Variants in YY1 observed in about 807,000 individuals in gnomAD.
YY1 encodes transcriptional repressor protein YY1.
YY1 carries 2 observed loss-of-function variants against 35.6 expected under a neutral mutation model. The observed-to-expected ratio is 0.06, with a 90% CI of 0.02 to 0.18. The LOEUF (loss-of-function observed/expected upper bound fraction) is 0.18. YY1 is among the 10% of genes least tolerant of loss of function. YY1 has a pLI of 1.00. For missense variants in YY1, 322 were observed against 573.4 expected, an observed-to-expected ratio of 0.56 and a Z score of 4.48; for synonymous variants, 268 against 238.9, an observed-to-expected ratio of 1.12 and a Z score of -1.12.
In YY1 at chr14:100,239,646, G is replaced by A. The variant is rs1416504827; in HGVS notation, c.402G>A (p.Pro134=). The change falls in exon 1 of 5, where the codon CCG becomes CCA. Residue 134 remains proline, a synonymous_variant. Transcript: ENST00000262238. ...EDGFEDQILI[P]VPAPAGGDDD... is the part of the protein sequence containing the mutation. ...GCTTCGAGGATCAGATTCTCATCCC[G>A]GTGCCCGCGCCGGCCGGCGGCGACG... The A allele has an allele frequency of 1.2e-6, 2 of 1,610,752 alleles. No individual in the cohort carries two copies. Among genetic ancestry groups the A allele is most frequent in the Admixed American group, 3.3e-5 (2 of 59,980 alleles).
intron 2 of YY1, among the ~76,000 whole-genome samples, chr14:100,267,631 C>T (rs1246668657): frequency 6.6e-6 from 1 of 151,954 alleles, no homozygotes; most frequent in Non-Finnish European, 1.5e-5. Context: ...TCAAGCAATT[C>T]TTCTGCCTCA....
At chr14:100,247,845 G>A (rs1424603118) in intron 1 of YY1, among the ~76,000 whole-genome samples, 1 of 152,164 alleles carries the variant, frequency 6.6e-6, no homozygotes, top group East Asian at 1.9e-4. Context: ...CTGACCTTGA[G>A]ATCTTTCTAA....
At chr14:100,240,651 C>A (rs1377946807) in intron 1 of YY1, among the ~76,000 whole-genome samples, 1 of 152,190 alleles carries the variant, frequency 6.6e-6, no homozygotes, top group Non-Finnish European at 1.5e-5. Flanking sequence ...ACGTAGGGCT[C>A]GCGTGTGCGG....
At chr14:100,242,376 TTG>T (rs1595311608) in intron 1 of YY1, among the ~76,000 whole-genome samples, 3 of 65,816 alleles carry the variant, frequency 4.6e-5, no homozygotes, top group Non-Finnish European at 8.8e-5. Flanking sequence ...GTTTTGTTTT[TTG>T]TTTTTTTTTT....
At position 100,279,961 on chromosome 14, in the gene YY1, C is replaced by T. The variant is rs1172011343; in HGVS notation, c.*2361C>T. On this transcript the variant is annotated 3_prime_UTR_variant, in exon 5 of 5. Coordinates refer to ENST00000262238, the MANE Select transcript of YY1 (RefSeq NM_003403.5). ...TTGATCCCTTGGGGGTGCCTTTGGT[C>T]ATCTCTTCTGTCCTTTCCTGTCTCT... 1 of 152,354 alleles carries T rather than the reference C, an allele frequency of 6.6e-6. No individual in the cohort carries two copies. Among genetic ancestry groups the T allele is most frequent in the Non-Finnish European group, 1.5e-5 (1 of 68,122 alleles). The allele number at this position is 152,354 out of a possible 1,614,324, so 9.4% of individuals were successfully genotyped here.
chr14:100,246,346 C>G (rs1230643732), intron 1 of YY1, among the ~76,000 whole-genome samples: 1 of 152,230 alleles, frequency 6.6e-6, no homozygotes, highest in Non-Finnish European at 1.5e-5. Context: ...GGACATGTGC[C>G]TTCTCAAAGT....
chr14:100,270,974 G>A (rs957235698), intron 2 of YY1, among the ~76,000 whole-genome samples: 28 of 151,734 alleles, frequency 1.8e-4, no homozygotes, highest in African/African-American at 6.8e-4. Context: ...GGCTGGGCGC[G>A]GTGGCTCACG....
chr14:100,268,600 A>T (rs1891188467), intron 2 of YY1, among the ~76,000 whole-genome samples: 1 of 152,252 alleles, frequency 6.6e-6, no homozygotes, highest in South Asian at 2.1e-4. Flanking sequence ...TAATGTATAG[A>T]TGAAATGTGA....
At position 100,239,364 on chromosome 14, in the gene YY1, G is replaced by A. The variant is rs1343771503; in HGVS notation, c.120G>A (p.Val40=). Residue 40 remains valine, a synonymous_variant, in exon 1 of 5, where the codon GTG becomes GTA. Transcript: ENST00000262238. Reference sequence around the variant, plus strand: ...CGGTGGAGACCATCGAGACCACAGTGGTGGGCGAGGAGGAGGAGGAGGACG... The same window carrying A: ...CGGTGGAGACCATCGAGACCACAGTAGTGGGCGAGGAGGAGGAGGAGGACG... ...TIPVETIETT[V]VGEEEEEDDD... The A allele has an allele frequency of 5.6e-6, 9 of 1,602,734 alleles. No homozygotes were observed. The highest frequency in any genetic ancestry group is 1.3e-5 in the African/African-American group (1 of 74,446).
At chr14:100,242,107 A>G (rs1263278029) in intron 1 of YY1, among the ~76,000 whole-genome samples, 1 of 152,324 alleles carries the variant, frequency 6.6e-6, no homozygotes, top group African/African-American at 2.4e-5. Flanking sequence ...ATTAACCACA[A>G]AAGTAAATTT....
At chr14:100,247,887 A>G (rs140621276) in intron 1 of YY1, among the ~76,000 whole-genome samples, 7 of 152,302 alleles carry the variant, frequency 4.6e-5, no homozygotes, top group Non-Finnish European at 1.0e-4. Context: ...CCTTAAAGTC[A>G]CTTTGAATCT....
Position 100,276,316 on chromosome 14 carries a change from C to A in YY1, c.904-174C>A. The stretch of plus-strand genomic sequence containing the variant: ...TTGCATTGAATGATGACTTTTTCAG[C>A]TGTCTGCTTTTTGTCTTAAATGATA... On this transcript the variant is annotated intron_variant, in intron 3 of 4. Coordinates refer to ENST00000262238, the MANE Select transcript of YY1 (RefSeq NM_003403.5). The surrounding 1 kb of genome is among the most constrained non-coding windows in gnomAD (Gnocchi z 4.1). 2 of 840,494 alleles carry A rather than the reference C, an allele frequency of 2.4e-6. No homozygotes were observed. Among genetic ancestry groups the A allele is most frequent in the Admixed American group, 2.6e-5 (1 of 38,914 alleles). The allele number at this position is 840,494 out of a possible 1,614,324, so 52.1% of individuals were successfully genotyped here.
rs1193650196 is a variant in YY1, at chr14:100,278,218, T to C, written c.*618T>C. On this transcript the variant is annotated 3_prime_UTR_variant, in exon 5 of 5. Transcript: ENST00000262238. ...TGTTAACACATTTTGTATAATTGTA[T>C]CGTATAGCTGTATTGAATCATGTAG... is the stretch of plus-strand genomic sequence containing the variant. 3.2e-5 allele frequency: 5 copies of C among 154,786 alleles called. No homozygotes were observed. Among genetic ancestry groups the C allele is most frequent in the African/African-American group, 1.2e-4 (5 of 41,480 alleles). 9.6% of individuals were successfully genotyped at this position (154,786 alleles called of 1,614,324 possible). A position where few individuals can be genotyped will look rare whatever the true frequency, so the allele number is the denominator to read the frequency against.
At chr14:100,264,377 A>G (rs1455364781) in intron 2 of YY1, among the ~76,000 whole-genome samples, 1 of 152,102 alleles carries the variant, frequency 6.6e-6, no homozygotes, top group Non-Finnish European at 1.5e-5. Flanking sequence ...GAGTTTCACC[A>G]TGTTGGCCAG....
At chr14:100,267,412 G>A (rs1034839498) in intron 2 of YY1, among the ~76,000 whole-genome samples, 2 of 152,164 alleles carry the variant, frequency 1.3e-5, no homozygotes, top group Admixed American at 6.5e-5. Context: ...TTTCATTTGT[G>A]TATAGAAAAG....
At chr14:100,248,719 G>A (rs1008356045) in intron 1 of YY1, among the ~76,000 whole-genome samples, 2 of 132,126 alleles carry the variant, frequency 1.5e-5, no homozygotes, top group African/African-American at 5.8e-5. Context: ...ACGGTGTCTC[G>A]CTCTGTCACC....
chr14:100,275,384 T>C (rs1352581184), intron 3 of YY1, among the ~76,000 whole-genome samples: 2 of 152,192 alleles, frequency 1.3e-5, no homozygotes, highest in Non-Finnish European at 2.9e-5. Context: ...CTACATTTAG[T>C]TTCACGGTCT....
chr14:100,241,598 TTA>T (rs1407889164), intron 1 of YY1, among the ~76,000 whole-genome samples: 1 of 152,184 alleles, frequency 6.6e-6, no homozygotes, highest in Non-Finnish European at 1.5e-5. Flanking sequence ...CATGAATACT[TTA>T]GTACTTAATG....
chr14:100,251,179 G>A (rs1890919192), intron 1 of YY1, among the ~76,000 whole-genome samples: 2 of 152,200 alleles, frequency 1.3e-5, no homozygotes, highest in Admixed American at 6.5e-5. Flanking sequence ...AATAGGGAGA[G>A]TATCCTGGTT....
Sources: allele counts gnomAD v4.1 joint callset (sites outside exome capture counted in the v4.1 genomes callset), GRCh38; gene constraint gnomAD v4.1.1; non-coding constraint Gnocchi (gnomAD v3.1); transcripts MANE v1.5; gene names NCBI Gene and HGNC (gene_info 2026-07-23, HGNC 2026-07-21).